The following FHIT variants were observed in gnomAD, a reference collection of about 807,000 sequenced individuals.
The protein encoded by FHIT is fragile histidine triad diadenosine triphosphatase.
Under a neutral mutation model 17.9 loss-of-function variants are expected in FHIT, and 19 were observed. The ratio of observed to expected loss-of-function variants is 1.06; its 90% confidence interval spans 0.74 to 1.56. FHIT has a LOEUF of 1.56. Among genes scored for constraint, FHIT ranks in the 40% most tolerant of loss-of-function variants. The pLI, the probability that FHIT is intolerant of heterozygous loss-of-function variation, is 0.00. For missense variants in FHIT, 248 were observed against 189.2 expected (o/e 1.31, Z -1.82); for synonymous variants, 81 against 69.7 (o/e 1.16, Z -0.81).
intron 3 of FHIT, among the ~76,000 whole-genome samples, chr3:60,982,962 A>C (rs981407009): frequency 6.6e-6 from 1 of 152,102 alleles, no homozygotes; most frequent in Non-Finnish European, 1.5e-5. Flanking sequence ...TGGAGGTCAG[A>C]CCAACTCTCT....
intron 7 of FHIT, among the ~76,000 whole-genome samples, chr3:59,966,574 G>C (rs1707936118): frequency 6.6e-6 from 1 of 152,144 alleles, no homozygotes; most frequent in African/African-American, 2.4e-5. Context: ...CAAAGGTATA[G>C]AGCATGTTAC....
At chr3:61,031,648 A>G (rs1264364518) in intron 3 of FHIT, among the ~76,000 whole-genome samples, 1 of 152,204 alleles carries the variant, frequency 6.6e-6, no homozygotes, top group African/African-American at 2.4e-5. Flanking sequence ...GACACATTTT[A>G]CCCACAAGTG....
At chr3:61,154,513 A>G (rs1388690520) in intron 2 of FHIT, among the ~76,000 whole-genome samples, 1 of 152,160 alleles carries the variant, frequency 6.6e-6, no homozygotes, top group African/African-American at 2.4e-5. Context: ...GCCTTCTGGT[A>G]TTAGACCTGC....
At chr3:60,112,161 G>C (rs1026426827) in intron 5 of FHIT, among the ~76,000 whole-genome samples, 1 of 152,184 alleles carries the variant, frequency 6.6e-6, no homozygotes, top group South Asian at 2.1e-4. Context: ...TTTTAAGCAG[G>C]GGAGATTTAA....
chr3:60,818,356 C>CATACAATATTTTATAGTTTA (rs1701807926), intron 4 of FHIT, among the ~76,000 whole-genome samples: 1 of 152,060 alleles, frequency 6.6e-6, no homozygotes, highest in Non-Finnish European at 1.5e-5. Context: ...AGCTTCAATC[C>CATACAATATTTTATAGTTTA]TGTTATAGTT....
rs369930084 is a variant in FHIT, at chr3:61,222,513, G to A, written c.-212-21848C>T. On this transcript the variant is annotated intron_variant, in intron 1 of 9. Coordinates refer to ENST00000492590, the MANE Select transcript of FHIT (RefSeq NM_002012.4). ...GATTTCTGCTCTCTTTACTAATGCA[G>A]ACAGTTCTAGCAGCGTTATTCTGAG... Among the ~76,000 whole-genome samples, 6 of 152,290 alleles carry A rather than the reference G, an allele frequency of 3.9e-5. No homozygotes were observed. The East Asian group carries it at 9.6e-4, about 24-fold the overall frequency.
At chr3:60,297,164 C>G (rs1262854477) in intron 5 of FHIT, among the ~76,000 whole-genome samples, 1 of 151,938 alleles carries the variant, frequency 6.6e-6, no homozygotes, top group Non-Finnish European at 1.5e-5. Flanking sequence ...ATAATCTTGT[C>G]TATATCTACT....
intron 4 of FHIT, among the ~76,000 whole-genome samples, chr3:60,541,870 T>C (rs185358947): frequency 6.6e-6 from 1 of 152,326 alleles, no homozygotes; most frequent in East Asian, 1.9e-4. Context: ...TAGAATTGAC[T>C]TAGCACAGGC....
At chr3:60,958,080 C>G (rs1709254256) in intron 3 of FHIT, among the ~76,000 whole-genome samples, 1 of 152,228 alleles carries the variant, frequency 6.6e-6, no homozygotes, top group South Asian at 2.1e-4. Context: ...CAGAAAAGAA[C>G]TACACATATC....
At chr3:60,811,129 T>C (rs1553735927) in intron 4 of FHIT, among the ~76,000 whole-genome samples, 1 of 152,172 alleles carries the variant, frequency 6.6e-6, no homozygotes, top group African/African-American at 2.4e-5. Context: ...AACACAGGCA[T>C]ACTTAAATAG....
chr3:60,061,746 G>T (rs182400255), intron 5 of FHIT, among the ~76,000 whole-genome samples: 1 of 152,080 alleles, frequency 6.6e-6, no homozygotes, highest in Admixed American at 6.6e-5. Context: ...TATTCAGATC[G>T]GATGCTAGGA....
intron 4 of FHIT, among the ~76,000 whole-genome samples, chr3:60,567,058 T>C (rs6446137): frequency 0.78 from 98,870 of 127,450 alleles, 37,654 homozygotes; most frequent in South Asian, 0.87. Context: ...AGATTCAATG[T>C]CATCCCCATC....
intron 4 of FHIT, among the ~76,000 whole-genome samples, chr3:60,650,177 T>C (rs546099533): frequency 1.3e-5 from 2 of 152,308 alleles, no homozygotes; most frequent in African/African-American, 2.4e-5. Context: ...GATGTAAAAG[T>C]ATTAATTCAA....
chr3:60,271,097 C>T (rs1706844351), intron 5 of FHIT, among the ~76,000 whole-genome samples: 1 of 152,126 alleles, frequency 6.6e-6, no homozygotes, highest in Admixed American at 6.5e-5. Context: ...TTTGAAGTCA[C>T]TAATAGCTTG....
intron 4 of FHIT, among the ~76,000 whole-genome samples, chr3:60,702,847 G>C (rs1310738869): frequency 6.6e-6 from 1 of 152,010 alleles, no homozygotes; most frequent in Non-Finnish European, 1.5e-5. Context: ...TTGATTATAG[G>C]TCTTTATAAA....
chr3:61,205,119 G>A (rs894053521), intron 1 of FHIT, among the ~76,000 whole-genome samples: 3 of 151,958 alleles, frequency 2.0e-5, no homozygotes, highest in African/African-American at 7.3e-5. Context: ...ATGGTTTCCA[G>A]CTTCATCCAT....
intron 5 of FHIT, among the ~76,000 whole-genome samples, chr3:60,060,527 A>G (rs190575558): frequency 6.6e-5 from 10 of 152,344 alleles, no homozygotes; most frequent in African/African-American, 1.7e-4. Context: ...ATTAAAATGC[A>G]TATTAACTGT....
chr3:59,854,045 CA>C (rs1413737382), intron 8 of FHIT, among the ~76,000 whole-genome samples: 1 of 151,950 alleles, frequency 6.6e-6, no homozygotes, highest in Admixed American at 6.6e-5. Flanking sequence ...CAAAAACAAA[CA>C]AAAAACAACA....
intron 8 of FHIT, among the ~76,000 whole-genome samples, chr3:59,792,962 C>T (rs963224201): frequency 2.0e-5 from 3 of 151,836 alleles, no homozygotes; most frequent in Non-Finnish European, 4.4e-5. Context: ...TCACAGGTTC[C>T]ACCTTACCCC....
Sources: gnomAD v4.1 joint callset for allele counts (sites outside exome capture counted in the v4.1 genomes callset) on GRCh38, gnomAD v4.1.1 for gene constraint, MANE v1.5 for transcripts, NCBI Gene and HGNC (gene_info 2026-07-23, HGNC 2026-07-21) for gene names.